Variants in KDM6A observed in about 807,000 individuals in gnomAD.
KDM6A encodes the protein lysine-specific demethylase 6A.
In KDM6A, 11 loss-of-function variants were observed where a neutral mutation model predicts 117.6. That is an observed-to-expected ratio of 0.09 (90% CI 0.06 to 0.15). KDM6A has a LOEUF of 0.15. Among genes scored for constraint, KDM6A ranks in the 10% least tolerant of loss-of-function variants. The pLI is 1.00. For missense variants in KDM6A, 799 were observed against 1,077.3 expected, an observed-to-expected ratio of 0.74 and a Z score of 3.62; for synonymous variants, 384 against 396.1, an observed-to-expected ratio of 0.97 and a Z score of 0.36.
At chrX:44,991,991 G>A (rs147074784) in intron 4 of KDM6A, among the ~76,000 whole-genome samples, 1,738 of 110,404 alleles carry the variant, frequency 0.016, 23 homozygotes, top group Middle Eastern at 0.081. Flanking sequence ...ACCTGGCCTG[G>A]TTAGTGGTTT....
At chrX:44,969,920 C>T (rs772082649) in intron 3 of KDM6A, among the ~76,000 whole-genome samples, 1 of 112,189 alleles carries the variant, frequency 8.9e-6, no homozygotes, top group African/African-American at 3.2e-5. Flanking sequence ...TTCCCTCATT[C>T]TGTATTAAGG....
At chrX:45,021,456 G>GT (rs1168330533) in intron 6 of KDM6A, among the ~76,000 whole-genome samples, 1 of 111,367 alleles carries the variant, frequency 9.0e-6, no homozygotes, top group Non-Finnish European at 1.9e-5. Context: ...TATGTTTATT[G>GT]TTTATAATGG....
intron 5 of KDM6A, among the ~76,000 whole-genome samples, chrX:45,020,224 G>C (rs2147659967): frequency 9.0e-6 from 1 of 111,628 alleles, no homozygotes; most frequent in South Asian, 3.7e-4. Context: ...GAGTAGACCA[G>C]AAACAAGATT....
chrX:44,932,627 C>A (rs898947497), intron 2 of KDM6A, among the ~76,000 whole-genome samples: 5 of 111,386 alleles, frequency 4.5e-5, no homozygotes, highest in African/African-American at 1.6e-4. Flanking sequence ...TCTTTTTCTA[C>A]CTACTTATTT....
chrX:44,931,445 A>G (rs963039927), intron 2 of KDM6A, among the ~76,000 whole-genome samples: 13 of 112,154 alleles, frequency 1.2e-4, no homozygotes, highest in Middle Eastern at 4.6e-3. Context: ...CAGCCAAGAG[A>G]TGGAAACATC....
At position 44,922,027 on chromosome X, in the gene KDM6A, CCTTTTTT is replaced by C. The variant is rs1195268674; in HGVS notation, c.226-39256_226-39250del. On this transcript the variant is annotated intron_variant, in intron 2 of 29. Coordinates refer to ENST00000611820, the MANE Select transcript of KDM6A (RefSeq NM_001291415.2). ...ATGCTGATAAAATTCATTGTGTGTG[CCTTTTTT>C]TTTTTTTTTTTTTTTTTTTTTTTTT... Among the ~76,000 whole-genome samples the C allele has an allele frequency of 1.6e-3, 60 of 37,702 alleles. 7 individuals carry two copies. Among genetic ancestry groups the C allele is most frequent in the South Asian group, 6.0e-3 (2 of 334 alleles). 32.7% of individuals were successfully genotyped at this position (37,702 alleles called of 115,157 possible).
At chrX:45,099,035 A>C (rs2046225538) in intron 27 of KDM6A, among the ~76,000 whole-genome samples, 1 of 111,895 alleles carries the variant, frequency 8.9e-6, no homozygotes, top group African/African-American at 3.2e-5. Context: ...TGGATTCATC[A>C]GTTAAGTTTT....
At chrX:44,911,166 G>A (rs1199809354) in intron 2 of KDM6A, among the ~76,000 whole-genome samples, 5 of 108,319 alleles carry the variant, frequency 4.6e-5, no homozygotes, top group African/African-American at 1.7e-4. Context: ...CTGGCCGGGC[G>A]GGGGCTGCCC....
chrX:45,031,123 T>A (rs2147751246), intron 6 of KDM6A, among the ~76,000 whole-genome samples: 1 of 112,665 alleles, frequency 8.9e-6, no homozygotes, highest in African/African-American at 3.2e-5. Flanking sequence ...ATAACCCTGT[T>A]TTATAAGGCT....
intron 2 of KDM6A, among the ~76,000 whole-genome samples, chrX:44,878,441 G>C (rs780164363): frequency 2.8e-4 from 31 of 112,168 alleles, no homozygotes; most frequent in Admixed American, 2.8e-3. Flanking sequence ...GAGTTTTCTA[G>C]TTTGGAAGAT....
chrX:44,903,917 C>T (rs916633508), intron 2 of KDM6A, among the ~76,000 whole-genome samples: 1 of 111,672 alleles, frequency 9.0e-6, no homozygotes, highest in Non-Finnish European at 1.9e-5. Flanking sequence ...TTTATAATAG[C>T]TGACTTTTAA....
Position 45,063,693 on chromosome X carries a change from G to A in KDM6A, c.1955G>A (p.Gly652Glu), listed in dbSNP as rs2044402102. The change falls in exon 17 of 30, where the codon GGA (glycine) becomes GAA (glutamate). Residue 652 changes from glycine to glutamate, a missense_variant. By Grantham distance (98) the Gly-to-Glu change is moderately conservative. Around this residue, in one of 8 missense-constraint regions of KDM6A, gnomAD observed 301 missense variants for 318.3 expected, o/e 0.95. Transcript: ENST00000611820. ...TTGATAGGCAATAATCATATAACAG[G>A]AAGTGGAAGTAATGGAAACGTGCCT... Reference protein sequence around the residue: ...TILIGNNHITGSGSNGNVPYL... With the variant: ...TILIGNNHITESGSNGNVPYL... The A allele has an allele frequency of 8.3e-7, 1 of 1,207,601 alleles. No homozygotes were observed. Among genetic ancestry groups the A allele is most frequent in the Non-Finnish European group, 1.1e-6 (1 of 893,811 alleles).
intron 3 of KDM6A, among the ~76,000 whole-genome samples, chrX:44,971,722 A>C (rs2039350604): frequency 1.8e-5 from 2 of 110,893 alleles, no homozygotes; most frequent in African/African-American, 6.6e-5. Flanking sequence ...TTTGTTGGTT[A>C]ACTTTGCCAT....
rs1268933088 is a variant in KDM6A, at chrX:44,891,420, T to C, written c.225+17433T>C. Among the ~76,000 whole-genome samples the C allele has an allele frequency of 3.6e-5, 4 of 111,755 alleles. No individual in the cohort carries two copies. The East Asian group carries it at 1.1e-3, about 31-fold the overall frequency. On this transcript the variant is annotated intron_variant, in intron 2 of 29. Coordinates refer to ENST00000611820, the MANE Select transcript of KDM6A (RefSeq NM_001291415.2). ...CCACTGAATTGCTTTTGAATCTTTG[T>C]TAAAAAATAGTTGCGTATATATTTG...
chrX:45,025,752 A>T (rs1159921977), intron 6 of KDM6A, among the ~76,000 whole-genome samples: 1 of 112,273 alleles, frequency 8.9e-6, no homozygotes, highest in East Asian at 2.8e-4. Context: ...ACATATTTAA[A>T]TATTCCTAAA....
intron 17 of KDM6A, among the ~76,000 whole-genome samples, chrX:45,065,682 A>G (rs748261397): frequency 8.9e-6 from 1 of 112,076 alleles, no homozygotes; most frequent in Non-Finnish European, 1.9e-5. Flanking sequence ...CTGACCAACT[A>G]GAAGGATGGA....
chrX:45,024,437 C>A (rs1420987284), intron 6 of KDM6A, among the ~76,000 whole-genome samples: 2 of 111,477 alleles, frequency 1.8e-5, no homozygotes, highest in Non-Finnish European at 3.8e-5. Flanking sequence ...TGTATATCTT[C>A]TTTTGAGAAT....
At chrX:44,906,415 T>C (rs1396837906) in intron 2 of KDM6A, among the ~76,000 whole-genome samples, 3 of 110,276 alleles carry the variant, frequency 2.7e-5, no homozygotes, top group Admixed American at 9.7e-5. Flanking sequence ...CCTCCCAAAT[T>C]GCTGAGATTA....
chrX:44,931,183 G>T (rs1295161934), intron 2 of KDM6A, among the ~76,000 whole-genome samples: 2 of 111,219 alleles, frequency 1.8e-5, no homozygotes, highest in Admixed American at 9.6e-5. Context: ...TCCTGCCTCA[G>T]CCTCCTGAGT....
Sources: allele counts gnomAD v4.1 joint callset (sites outside exome capture counted in the v4.1 genomes callset), GRCh38; gene constraint gnomAD v4.1.1; regional missense constraint gnomAD v4.1.1; transcripts MANE v1.5; gene names NCBI Gene and HGNC (gene_info 2026-07-23, HGNC 2026-07-21).